DYNC1I1: variants seen among roughly 807,000 people sequenced by gnomAD.
DYNC1I1 encodes dynein cytoplasmic 1 intermediate chain 1, also known as cytoplasmic dynein 1 intermediate chain 1.
In DYNC1I1, 43 loss-of-function variants were observed where a neutral mutation model predicts 86.6. The ratio of observed to expected loss-of-function variants is 0.50; its 90% CI spans 0.39 to 0.64. The LOEUF (loss-of-function observed/expected upper bound fraction) is 0.64, where lower values mean the gene tolerates loss of function less well. Ranked by LOEUF, DYNC1I1 falls within the 30% of genes least tolerant of loss-of-function variation. The probability of loss-of-function intolerance (pLI) is 0.00; values close to 1 mark genes in which losing one functional copy is unlikely to be tolerated. For missense variants in DYNC1I1, 604 were observed against 788.8 expected (o/e 0.77, Z 2.81); for synonymous variants, 262 against 283.7 (o/e 0.92, Z 0.77).
intron 6 of DYNC1I1, among the ~76,000 whole-genome samples, chr7:95,922,912 A>AT (rs755018209): frequency 6.6e-6 from 1 of 152,032 alleles, no homozygotes; most frequent in Admixed American, 6.6e-5. Flanking sequence ...CTAAAGACGT[A>AT]TTTTAGCTCA....
At chr7:95,794,307 T>C (rs1320681519) in intron 1 of DYNC1I1, among the ~76,000 whole-genome samples, 1 of 152,166 alleles carries the variant, frequency 6.6e-6, no homozygotes, top group Admixed American at 6.5e-5. Context: ...AGTTTTATAC[T>C]CTTTCAAGGA....
At chr7:96,012,560 G>A (rs1203322526) in intron 10 of DYNC1I1, among the ~76,000 whole-genome samples, 4 of 152,062 alleles carry the variant, frequency 2.6e-5, no homozygotes, top group Non-Finnish European at 4.4e-5. Flanking sequence ...TAGAACTAGG[G>A]TACATTTTTA....
chr7:95,777,827 C>T (rs1053148148), intron 1 of DYNC1I1, among the ~76,000 whole-genome samples: 8 of 152,158 alleles, frequency 5.3e-5, no homozygotes, highest in Non-Finnish European at 1.2e-4. Context: ...TGCTTTAACT[C>T]AGTGCTCTTC....
chr7:96,064,562 G>A (rs1268344075), intron 14 of DYNC1I1, among the ~76,000 whole-genome samples: 1 of 152,136 alleles, frequency 6.6e-6, no homozygotes, highest in Non-Finnish European at 1.5e-5. Context: ...CTTCATCAGA[G>A]GTTACATCTC....
At chr7:95,840,175 G>C (rs956566019) in intron 5 of DYNC1I1, among the ~76,000 whole-genome samples, 2 of 151,958 alleles carry the variant, frequency 1.3e-5, no homozygotes, top group African/African-American at 4.8e-5. Context: ...TGAGTTTTCT[G>C]GTTCTCCTTC....
intron 9 of DYNC1I1, among the ~76,000 whole-genome samples, chr7:95,994,023 G>A (rs979820282): frequency 1.3e-5 from 2 of 152,074 alleles, no homozygotes; most frequent in African/African-American, 4.8e-5. Context: ...TAACACTCAG[G>A]ACAGAGTTTT....
intron 1 of DYNC1I1, among the ~76,000 whole-genome samples, chr7:95,786,365 A>T (rs1295770662): frequency 2.0e-5 from 3 of 152,180 alleles, no homozygotes; most frequent in Non-Finnish European, 4.4e-5. Context: ...TCCTTTAGGA[A>T]GCCCCCTCTG....
At chr7:95,942,392 C>A (rs1792253987) in intron 6 of DYNC1I1, among the ~76,000 whole-genome samples, 2 of 152,116 alleles carry the variant, frequency 1.3e-5, no homozygotes, top group South Asian at 4.1e-4. Flanking sequence ...AGCTTACCAA[C>A]CAAAAAGAGC....
At chr7:95,936,865 G>GAGA (rs1161313603) in intron 6 of DYNC1I1, among the ~76,000 whole-genome samples, 2 of 151,364 alleles carry the variant, frequency 1.3e-5, no homozygotes, top group Non-Finnish European at 3.0e-5. Context: ...AGATTCCAAA[G>GAGA]AGAAGTAACA....
chr7:95,848,742 C>G (rs1313591435), intron 5 of DYNC1I1, among the ~76,000 whole-genome samples: 1 of 151,976 alleles, frequency 6.6e-6, no homozygotes, highest in Non-Finnish European at 1.5e-5. Flanking sequence ...GGATATTTAT[C>G]TAGTAGTGGG....
At chr7:95,926,743 C>T (rs1251905031) in intron 6 of DYNC1I1, among the ~76,000 whole-genome samples, 1 of 152,136 alleles carries the variant, frequency 6.6e-6, no homozygotes, top group Non-Finnish European at 1.5e-5. Flanking sequence ...CACTGTGATT[C>T]AGACTACCTC....
chr7:96,030,407 G>A (rs924307784), intron 11 of DYNC1I1, among the ~76,000 whole-genome samples: 8 of 137,216 alleles, frequency 5.8e-5, no homozygotes, highest in African/African-American at 2.2e-4. Flanking sequence ...CTTCTGTTTT[G>A]GTTTCATTAC....
chr7:96,100,060 C>G (rs1024137809), downstream of DYNC1I1, among the ~76,000 whole-genome samples: 1 of 152,154 alleles, frequency 6.6e-6, no homozygotes, highest in Non-Finnish European at 1.5e-5. Context: ...TTCAGATTTC[C>G]TATTGCAGAG....
At chr7:95,778,386 G>A (rs1203575655) in intron 1 of DYNC1I1, among the ~76,000 whole-genome samples, 1 of 152,208 alleles carries the variant, frequency 6.6e-6, no homozygotes, top group Non-Finnish European at 1.5e-5. Flanking sequence ...GTATGCAAAT[G>A]CCAGTTTGAA....
At chr7:95,968,756 CAG>C (rs891035105) in intron 6 of DYNC1I1, among the ~76,000 whole-genome samples, 3 of 151,948 alleles carry the variant, frequency 2.0e-5, no homozygotes, top group African/African-American at 7.3e-5. Context: ...GTCTGAAAAA[CAG>C]AGGAGTCCCT....
rs538062470 is a variant in DYNC1I1, at chr7:95,909,361, T to C, written c.490+39363T>C. The stretch of plus-strand genomic sequence containing the variant: ...CTGTGAGAACCTTGTTGTTGGAAAT[T>C]ACATGTAAAACAAAAATGTGTCCAG... On this transcript the variant is annotated intron_variant, in intron 6 of 16. Coordinates refer to ENST00000447467, the MANE Select transcript of DYNC1I1 (RefSeq NM_001135556.2). Among the ~76,000 whole-genome samples, 20 of 152,048 alleles carry C rather than the reference T, an allele frequency of 1.3e-4. No homozygotes were observed. The South Asian group carries it at 3.9e-3, about 30-fold the overall frequency.
chr7:95,925,634 A>C (rs1791726021), intron 6 of DYNC1I1, among the ~76,000 whole-genome samples: 1 of 152,172 alleles, frequency 6.6e-6, no homozygotes, highest in South Asian at 2.1e-4. Flanking sequence ...GATTTTTAAC[A>C]TCCAGCTCTC....
chr7:95,791,341 T>G (rs1794296790), intron 1 of DYNC1I1, among the ~76,000 whole-genome samples: 1 of 152,218 alleles, frequency 6.6e-6, no homozygotes, highest in African/African-American at 2.4e-5. Context: ...TTGATTTAAC[T>G]TTGTTGCACA....
chr7:95,815,651 A>G (rs1794930313), intron 4 of DYNC1I1, among the ~76,000 whole-genome samples: 1 of 152,198 alleles, frequency 6.6e-6, no homozygotes, highest in South Asian at 2.1e-4. Flanking sequence ...AACAATTTAT[A>G]TTAACTTTAA....
Sources: allele counts gnomAD v4.1 joint callset (sites outside exome capture counted in the v4.1 genomes callset), GRCh38; gene constraint gnomAD v4.1.1; transcripts MANE v1.5; gene names NCBI Gene and HGNC (gene_info 2026-07-23, HGNC 2026-07-21).